Variants in DNAI3 observed in about 807,000 individuals in gnomAD.
DNAI3 encodes the protein dynein axonemal intermediate chain 3.
A neutral mutation model predicts 115.5 loss-of-function variants in DNAI3; 83 were observed. That is an observed-to-expected ratio of 0.72 (90% CI 0.60 to 0.86). DNAI3 has a LOEUF of 0.86. DNAI3 is among the 40% of genes least tolerant of loss of function. The pLI, the probability that DNAI3 is intolerant of heterozygous loss-of-function variation, is 0.00. For synonymous variants in DNAI3, 320 were observed against 347.0 expected (o/e 0.92, Z 0.86); for missense variants, 1,004 against 1,075.8 (o/e 0.93, Z 0.93).
chr1:85,102,470 A>G (rs1363960838), intron 13 of DNAI3, among the ~76,000 whole-genome samples: 1 of 152,222 alleles, frequency 6.6e-6, no homozygotes, highest in Non-Finnish European at 1.5e-5. Flanking sequence ...CAGTAAATCA[A>G]CATGAAAATC....
intron 3 of DNAI3, among the ~76,000 whole-genome samples, chr1:85,080,038 T>C (rs12030631): frequency 2.8e-5 from 4 of 144,500 alleles, no homozygotes; most frequent in African/African-American, 1.0e-4. Context: ...TCTTTTCTTT[T>C]TCTTTTTCTT....
At chr1:85,131,793 A>G (rs1019514851) in intron 22 of DNAI3, among the ~76,000 whole-genome samples, 36 of 152,310 alleles carry the variant, frequency 2.4e-4, no homozygotes, top group African/African-American at 8.2e-4. Flanking sequence ...AACAGCTCCT[A>G]ATTATCTACA....
At chr1:85,073,592 C>T (rs889255874) in intron 3 of DNAI3, among the ~76,000 whole-genome samples, 1 of 152,108 alleles carries the variant, frequency 6.6e-6, no homozygotes, top group African/African-American at 2.4e-5. Context: ...GAACCTCTCC[C>T]TTAGAGTTGA....
intron 2 of DNAI3, among the ~76,000 whole-genome samples, chr1:85,072,730 C>T (rs113389294): frequency 0.018 from 2,642 of 150,472 alleles, 74 homozygotes; most frequent in African/African-American, 0.062. Context: ...CCAAGGTGGA[C>T]GGATCACAAG....
Position 85,097,550 on chromosome 1 carries a change from A to G in DNAI3, c.1264-19A>G. 1.3e-6 allele frequency: 2 copies of G among 1,589,392 alleles called. No individual in the cohort carries two copies. Among genetic ancestry groups the G allele is most frequent in the Non-Finnish European group, 1.7e-6 (2 of 1,170,964 alleles). ...GATATTTTCTGAAAAGGTTATGATAACATTTATTTCCATTTTAGATTGTCA... is the reference window on the plus strand; with the variant it reads ...GATATTTTCTGAAAAGGTTATGATAGCATTTATTTCCATTTTAGATTGTCA... On this transcript the variant is annotated intron_variant, in intron 11 of 22. Transcript: ENST00000294664.
intron 1 of DNAI3, among the ~76,000 whole-genome samples, chr1:85,069,624 G>T (rs969342669): frequency 6.6e-6 from 1 of 151,890 alleles, no homozygotes; most frequent in Admixed American, 6.6e-5. Flanking sequence ...CTGACCTCGC[G>T]ATCCACCCAC....
intron 1 of DNAI3, among the ~76,000 whole-genome samples, chr1:85,071,178 A>T (rs1654262051): frequency 6.6e-6 from 1 of 152,228 alleles, no homozygotes; most frequent in South Asian, 2.1e-4. Flanking sequence ...TAGAGAAGGT[A>T]AGTAATTTGC....
Position 85,124,145 on chromosome 1 carries a change from C to T in DNAI3, c.2006C>T (p.Thr669Ile). 6.2e-7 allele frequency: 1 copy of T among 1,614,188 alleles called. No individual in the cohort carries two copies. The highest frequency in any genetic ancestry group is 8.5e-7 in the Non-Finnish European group (1 of 1,180,026). Residue 669 changes from threonine to isoleucine, a missense_variant, in exon 19 of 23, where the codon ACC becomes ATC. This residue lies in a region of DNAI3 where 429 missense variants were observed against 454.3 expected (regional missense o/e 0.94). Transcript: ENST00000294664. Reference protein sequence around the residue: ...LMSKKPVSHHTIHDGTVHTIQ... With the variant: ...LMSKKPVSHHIIHDGTVHTIQ... ...GCAAAGAAGCCAGTGAGCCACCACA[C>T]CATTCACGACGGAACTGTCCACACT...
intron 6 of DNAI3, 141 bp from the exon 7 acceptor site, chr1:85,085,690 C>G: frequency 1.4e-6 from 1 of 692,016 alleles, no homozygotes; most frequent in Non-Finnish European, 2.5e-6. Context: ...GGGTGCTGCT[C>G]ATGTGAATGG....
chr1:85,082,315 G>T lies in DNAI3; in HGVS notation c.301G>T (p.Glu101Ter). 6.2e-7 allele frequency: 1 copy of T among 1,612,848 alleles called. No individual in the cohort carries two copies. Among genetic ancestry groups the T allele is most frequent in the Non-Finnish European group, 8.5e-7 (1 of 1,179,262 alleles). Reference protein sequence around the residue: ...KKIVQEYPGNELLLVYDKDFK... With the variant: ...KKIVQEYPGN ...ATTCTTGTAGGAATATCCTGGAAAT[G>T]AGCTTCTGCTTGTTTATGACAAAGA... The change falls in exon 5 of 23, where the codon GAG (glutamate) becomes TAG (stop). Residue 101 changes from glutamate (E) to a stop codon, truncating the protein, a stop_gained. Transcript: ENST00000294664. LOFTEE classifies it high-confidence loss of function.
rs1571159625 is a variant in DNAI3 at position 85,077,862 on chromosome 1, G to A, written c.104-3372G>A. ...AAAGCTGTTTTTAAAAAACTAGATA[G>A]CAACCAAAATGTTAAAAAAAAAAAA... is the stretch of plus-strand genomic sequence containing the variant. On this transcript the variant is annotated intron_variant, in intron 3 of 22. Transcript: ENST00000294664. 3.4e-5 allele frequency among the ~76,000 whole-genome samples: 5 copies of A among 147,128 alleles called. No homozygotes were observed. The East Asian group carries it at 8.0e-4, about 23-fold the overall frequency.
chr1:85,077,907 A>G (rs1277200203), intron 3 of DNAI3, among the ~76,000 whole-genome samples: 2 of 152,186 alleles, frequency 1.3e-5, no homozygotes, highest in Non-Finnish European at 2.9e-5. Context: ...ATTGAAATGT[A>G]TGAGAGTTGT....
At chr1:85,080,377 A>G (rs915878413) in intron 3 of DNAI3, among the ~76,000 whole-genome samples, 1 of 152,312 alleles carries the variant, frequency 6.6e-6, no homozygotes, top group South Asian at 2.1e-4. Flanking sequence ...GCAAATCTGC[A>G]TGCTGAGGGA....
chr1:85,084,523 G>T (rs1654737667), intron 5 of DNAI3, 23 bp from the exon 6 acceptor site: 1 of 1,361,152 alleles, frequency 7.3e-7, no homozygotes, highest in Non-Finnish European at 9.5e-7. Flanking sequence ...ATACATTGTA[G>T]AATGCTATTT....
At chr1:85,087,456 A>G (rs373084827) in intron 7 of DNAI3, among the ~76,000 whole-genome samples, 38 of 149,890 alleles carry the variant, frequency 2.5e-4, no homozygotes, top group African/African-American at 8.6e-4. Context: ...AAAAAAAAAA[A>G]AAAGAAAGAA....
rs555528006 is a variant in DNAI3 at position 85,095,573 on chromosome 1, T to C, written c.1174-358T>C. Among the ~76,000 whole-genome samples, 4 of 152,316 alleles carry C rather than the reference T, an allele frequency of 2.6e-5. No homozygotes were observed. In the East Asian group the frequency reaches 7.7e-4, roughly 29 times the overall value. ...CAAGCAACAAAACAGACACAGATCC[T>C]GTCCTCACAGAGCTTCCCTTCCATG... is the stretch of plus-strand genomic sequence containing the variant. On this transcript the variant is annotated intron_variant, in intron 10 of 22. Coordinates refer to ENST00000294664, the MANE Select transcript of DNAI3 (RefSeq NM_145172.5).
At chr1:85,113,416 G>A (rs973322740) in intron 16 of DNAI3, among the ~76,000 whole-genome samples, 3 of 152,130 alleles carry the variant, frequency 2.0e-5, no homozygotes, top group Admixed American at 6.5e-5. Context: ...ATGGATCAAA[G>A]TTCATTTTTT....
intron 13 of DNAI3, among the ~76,000 whole-genome samples, chr1:85,100,723 C>T (rs993189112): frequency 1.9e-4 from 29 of 152,158 alleles, no homozygotes; most frequent in African/African-American, 6.8e-4. Flanking sequence ...GGAACCAACT[C>T]AAATGTCCAA....
intron 3 of DNAI3, among the ~76,000 whole-genome samples, chr1:85,080,046 C>CTTTT (rs35938324): frequency 4.4e-4 from 30 of 68,374 alleles, no homozygotes; most frequent in East Asian, 1.1e-3. Context: ...TTTTCTTTTT[C>CTTTT]TTTTTTTTTT....
Sources: allele counts gnomAD v4.1 joint callset (sites outside exome capture counted in the v4.1 genomes callset), GRCh38; gene constraint gnomAD v4.1.1; regional missense constraint gnomAD v4.1.1; transcripts MANE v1.5; gene names NCBI Gene and HGNC (gene_info 2026-07-23, HGNC 2026-07-21).